ACKR2: variants seen among roughly 807,000 people sequenced by gnomAD.
ACKR2 encodes atypical chemokine receptor 2, also known as C-C chemokine receptor D6.
For missense variants in ACKR2, 457 were observed against 477.3 expected (o/e 0.96, Z 0.40); for synonymous variants, 207 against 192.2 (o/e 1.08, Z -0.64).
intron 2 of ACKR2, among the ~76,000 whole-genome samples, chr3:42,829,981 C>T (rs994680581): frequency 3.3e-5 from 5 of 152,198 alleles, no homozygotes; most frequent in African/African-American, 1.2e-4. Context: ...AACCTAAACT[C>T]TGAACTAACA....
At chr3:42,828,588 C>G (rs748858335) in intron 2 of ACKR2, among the ~76,000 whole-genome samples, 4 of 152,276 alleles carry the variant, frequency 2.6e-5, no homozygotes, top group Non-Finnish European at 5.9e-5. Flanking sequence ...CTAGTGCCTA[C>G]CTGTCTGTGA....
intron 2 of ACKR2, among the ~76,000 whole-genome samples, chr3:42,834,116 G>A (rs932575777): frequency 1.3e-5 from 2 of 152,034 alleles, no homozygotes; most frequent in Non-Finnish European, 2.9e-5. Context: ...GCGCCTCCAC[G>A]CCCGGCTAAT....
chr3:42,849,430 A>G (rs1258034315), intron 2 of ACKR2, among the ~76,000 whole-genome samples: 1 of 152,090 alleles, frequency 6.6e-6, no homozygotes, highest in Admixed American at 6.5e-5. Flanking sequence ...CCTGGGAGGC[A>G]CAGGTTGCAG....
intron 2 of ACKR2, among the ~76,000 whole-genome samples, chr3:42,850,107 G>T (rs1358432266): frequency 1.6e-4 from 25 of 152,110 alleles, no homozygotes. Context: ...CTGTGGGAGG[G>T]ACCGAGGACC....
At position 42,864,715 on chromosome 3, in the gene ACKR2, G is replaced by T; in HGVS notation, c.213G>T (p.Leu71Phe). Residue 71 changes from leucine to phenylalanine, a missense_variant, in exon 3 of 3, where the codon TTG (leucine) becomes TTT (phenylalanine). Coordinates refer to ENST00000422265, the MANE Select transcript of ACKR2 (RefSeq NM_001296.5). ...GGAACCTCCTTCTTCTCATGGTCTT[G>T]CTCCGTTACGTGCCTCGCAGGCGGA... ...LSGNLLLLMV[L>F]LRYVPRRRMV... 6.2e-7 allele frequency: 1 copy of T among 1,614,188 alleles called. No homozygotes were observed. Among genetic ancestry groups the T allele is most frequent in the Non-Finnish European group, 8.5e-7 (1 of 1,180,038 alleles).
intron 2 of ACKR2, among the ~76,000 whole-genome samples, chr3:42,848,822 A>C (rs1447788240): frequency 6.6e-6 from 1 of 152,242 alleles, no homozygotes; most frequent in African/African-American, 2.4e-5. Flanking sequence ...GACATCTTTA[A>C]ATTATGTACC....
intron 2 of ACKR2, among the ~76,000 whole-genome samples, chr3:42,824,177 A>G (rs1161225551): frequency 6.6e-6 from 1 of 152,232 alleles, no homozygotes; most frequent in Non-Finnish European, 1.5e-5. Flanking sequence ...GGTGCCAAGC[A>G]TTTTGAATAA....
At chr3:42,814,483 G>T (rs551305656) in intron 1 of ACKR2, among the ~76,000 whole-genome samples, 1 of 152,292 alleles carries the variant, frequency 6.6e-6, no homozygotes, top group African/African-American at 2.4e-5. Context: ...GGAGAAACAG[G>T]CTTCTAAATT....
At chr3:42,827,869 C>T (rs1434245402) in intron 2 of ACKR2, among the ~76,000 whole-genome samples, 3 of 152,094 alleles carry the variant, frequency 2.0e-5, no homozygotes, top group Non-Finnish European at 4.4e-5. Flanking sequence ...CGCCCCCACA[C>T]TCCCATTTAG....
At chr3:42,851,341 C>G (rs964931068) in intron 2 of ACKR2, 10 of 984,772 alleles carry the variant, frequency 1.0e-5, no homozygotes, top group Middle Eastern at 5.2e-4. Context: ...AGGGGATGAG[C>G]GCATGGAAAG....
chr3:42,848,310 C>A (rs746281461), intron 2 of ACKR2, among the ~76,000 whole-genome samples: 48 of 150,062 alleles, frequency 3.2e-4, no homozygotes, highest in Non-Finnish European at 6.1e-4. Context: ...CTCCACTTCC[C>A]GGGCTCAAAC....
chr3:42,825,814 T>TTCAGTC (rs1700856843), intron 2 of ACKR2, among the ~76,000 whole-genome samples: 1 of 151,746 alleles, frequency 6.6e-6, no homozygotes, highest in African/African-American at 2.4e-5. Context: ...GGGGGAAGAT[T>TTCAGTC]TCAGTCTTTT....
chr3:42,816,189 C>CGTGTGTGTGT (rs56332875), intron 1 of ACKR2, among the ~76,000 whole-genome samples: 6 of 145,858 alleles, frequency 4.1e-5, no homozygotes, highest in African/African-American at 1.5e-4. Flanking sequence ...TTGATAGTTT[C>CGTGTGTGTGT]GTGTGTGTGT....
At chr3:42,859,546 T>A (rs535401402) in intron 2 of ACKR2, among the ~76,000 whole-genome samples, 2 of 151,226 alleles carry the variant, frequency 1.3e-5, no homozygotes, top group South Asian at 2.1e-4. Context: ...GCCCAGCTAA[T>A]TTTTTTTTGT....
At chr3:42,849,944 C>T (rs1272698746) in intron 2 of ACKR2, among the ~76,000 whole-genome samples, 4 of 152,048 alleles carry the variant, frequency 2.6e-5, no homozygotes, top group Non-Finnish European at 5.9e-5. Context: ...TGCAATTTAA[C>T]TGATGTTAAT....
chr3:42,861,121 CT>C (rs1354104152), intron 2 of ACKR2, among the ~76,000 whole-genome samples: 3 of 151,982 alleles, frequency 2.0e-5, no homozygotes, highest in Non-Finnish European at 2.9e-5. Context: ...ACTAGCCAGA[CT>C]GATAAACAAG....
chr3:42,818,511 G>A (rs1700776171), intron 1 of ACKR2, among the ~76,000 whole-genome samples: 1 of 152,210 alleles, frequency 6.6e-6, no homozygotes, highest in South Asian at 2.1e-4. Flanking sequence ...CAGTAATGTT[G>A]AGAGGATCAT....
chr3:42,860,189 A>AAAAAAACAC (rs376833790), intron 2 of ACKR2, among the ~76,000 whole-genome samples: 2 of 111,520 alleles, frequency 1.8e-5, no homozygotes, highest in Non-Finnish European at 3.8e-5. Flanking sequence ...AAAAAAAAAA[A>AAAAAAACAC]GCAGGGGATG....
At chr3:42,860,163 G>GGAAAAAAAAAAAAAAAA (rs2088367013) in intron 2 of ACKR2, among the ~76,000 whole-genome samples, 1 of 4,930 alleles carries the variant, frequency 2.0e-4, no homozygotes, top group Non-Finnish European at 4.5e-4. Flanking sequence ...CAAATGGAAA[G>GGAAAAAAAAAAAAAAAA]CAAAAAAAAA....
Sources: gnomAD v4.1 joint callset for allele counts (sites outside exome capture counted in the v4.1 genomes callset) on GRCh38, gnomAD v4.1.1 for gene constraint, MANE v1.5 for transcripts, NCBI Gene and HGNC (gene_info 2026-07-23, HGNC 2026-07-21) for gene names.